Variants in MID1 observed in about 807,000 individuals in gnomAD.
The protein encoded by MID1 is E3 ubiquitin-protein ligase Midline-1.
Under a neutral mutation model 40.4 loss-of-function variants are expected in MID1, and 7 were observed. The ratio of observed to expected loss-of-function variants is 0.17; its 90% CI spans 0.10 to 0.33. The LOEUF (loss-of-function observed/expected upper bound fraction) is 0.33. Ranked by LOEUF, MID1 falls within the 10% of genes least tolerant of loss-of-function variation. MID1 has a pLI of 1.00. For synonymous variants in MID1, 229 were observed against 221.2 expected (o/e 1.04, Z -0.31); for missense variants, 367 against 558.5 (o/e 0.66, Z 3.46).
In MID1 at chrX:10,590,882, T is replaced by C. The variant is rs145921599; in HGVS notation, c.-56-23279A>G. Among the ~76,000 whole-genome samples, 125 of 112,318 alleles carry C rather than the reference T, an allele frequency of 1.1e-3. No individual in the cohort carries two copies. The East Asian group carries it at 0.024, about 21-fold the overall frequency. On this transcript the variant is annotated intron_variant, in intron 1 of 9. Coordinates refer to ENST00000317552, the MANE Select transcript of MID1 (RefSeq NM_000381.4). ...GAGTTGACTTAAGAGTTTTTTGTTGTTATTTTGCTTTGCATCTTATTTGTT... is the reference window on the plus strand; with the variant it reads ...GAGTTGACTTAAGAGTTTTTTGTTGCTATTTTGCTTTGCATCTTATTTGTT...
chrX:10,561,727 T>C (rs1354761295), intron 2 of MID1, among the ~76,000 whole-genome samples: 2 of 107,340 alleles, frequency 1.9e-5, no homozygotes, highest in East Asian at 2.8e-4. Flanking sequence ...AAACAACAGA[T>C]GCTGGCGAGG....
At chrX:10,456,043 G>A (rs1928644844) in intron 8 of MID1, among the ~76,000 whole-genome samples, 1 of 112,376 alleles carries the variant, frequency 8.9e-6, no homozygotes, top group Non-Finnish European at 1.9e-5. Context: ...ATGCCATGGT[G>A]TCCAAACTCC....
intron 1 of MID1, among the ~76,000 whole-genome samples, chrX:10,818,760 T>C (rs1329214237): frequency 8.9e-6 from 1 of 112,186 alleles, no homozygotes; most frequent in Non-Finnish European, 1.9e-5. Context: ...ATTGAGTGCT[T>C]CCTCTGTTCA....
intron 1 of MID1, among the ~76,000 whole-genome samples, chrX:10,687,506 A>G (rs749631996): frequency 3.9e-4 from 44 of 112,211 alleles, no homozygotes; most frequent in African/African-American, 1.4e-3. Context: ...AGCCAAATGT[A>G]GTCCTGTCTG....
intron 1 of MID1, among the ~76,000 whole-genome samples, chrX:10,645,593 G>A (rs888430577): frequency 8.0e-5 from 9 of 112,166 alleles, no homozygotes; most frequent in African/African-American, 2.9e-4. Context: ...TAACAGTAGT[G>A]AGGGGCTGGG....
intron 1 of MID1, among the ~76,000 whole-genome samples, chrX:10,628,013 G>T (rs1936012853): frequency 9.0e-6 from 1 of 111,656 alleles, no homozygotes; most frequent in Non-Finnish European, 1.9e-5. Flanking sequence ...TGGTAGTAAA[G>T]ATAAAAACTA....
At chrX:10,645,135 A>G (rs1936249519) in intron 1 of MID1, among the ~76,000 whole-genome samples, 1 of 111,666 alleles carries the variant, frequency 9.0e-6, no homozygotes, top group African/African-American at 3.3e-5. Flanking sequence ...TTTCTCTGTC[A>G]CCAGCATGCT....
At chrX:10,515,082 C>T (rs1054507472) in intron 3 of MID1, among the ~76,000 whole-genome samples, 106 of 112,309 alleles carry the variant, frequency 9.4e-4, no homozygotes, top group African/African-American at 3.3e-3. Flanking sequence ...TGTTTGCATG[C>T]TGGTCTTCAT....
At chrX:10,570,897 C>A (rs2147475371) in intron 1 of MID1, among the ~76,000 whole-genome samples, 1 of 112,295 alleles carries the variant, frequency 8.9e-6, no homozygotes, top group Admixed American at 9.4e-5. Flanking sequence ...TACAGATAAC[C>A]AGAACATAAA....
At chrX:10,671,651 C>T (rs1198884136) in intron 1 of MID1, among the ~76,000 whole-genome samples, 1 of 111,329 alleles carries the variant, frequency 9.0e-6, no homozygotes, top group Non-Finnish European at 1.9e-5. Context: ...ATCCAAGTCA[C>T]AAACCTCTTC....
chrX:10,742,897 AC>A (rs1311617315), intron 1 of MID1, among the ~76,000 whole-genome samples: 1 of 112,675 alleles, frequency 8.9e-6, no homozygotes, highest in African/African-American at 3.2e-5. Flanking sequence ...GATAGACTCG[AC>A]TTTTCTGGTT....
chrX:10,608,466 C>T (rs750820765), intron 1 of MID1, among the ~76,000 whole-genome samples: 2 of 111,244 alleles, frequency 1.8e-5, no homozygotes, highest in South Asian at 3.8e-4. Flanking sequence ...ATTAAGTGAG[C>T]GGGAAAAAAT....
At chrX:10,774,493 T>C (rs1247950626) in intron 1 of MID1, among the ~76,000 whole-genome samples, 1 of 110,041 alleles carries the variant, frequency 9.1e-6, no homozygotes, top group Non-Finnish European at 1.9e-5. Context: ...GCTTGACAGA[T>C]AACTCATATC....
chrX:10,491,544 C>T (rs1217420044), intron 4 of MID1, among the ~76,000 whole-genome samples: 25 of 110,989 alleles, frequency 2.3e-4, no homozygotes, highest in African/African-American at 7.9e-4. Context: ...CTACCATGCC[C>T]AGCCTCTTTT....
intron 1 of MID1, among the ~76,000 whole-genome samples, chrX:10,588,761 A>T (rs113064521): frequency 3.6e-5 from 4 of 109,791 alleles, no homozygotes; most frequent in Non-Finnish European, 3.8e-5. Flanking sequence ...GGGGAAGGGG[A>T]TCTAAAACCA....
chrX:10,509,456 A>G (rs1044518258), intron 3 of MID1, among the ~76,000 whole-genome samples: 1 of 111,658 alleles, frequency 9.0e-6, no homozygotes, highest in African/African-American at 3.3e-5. Context: ...CTAGAGAATA[A>G]AAGGAAAGGT....
intron 1 of MID1, among the ~76,000 whole-genome samples, chrX:10,765,918 AGAAAGAAAGGAAAGGAAAGGAAAG>A (rs1385177611): frequency 3.7e-4 from 37 of 99,397 alleles, no homozygotes; most frequent in African/African-American, 1.6e-3. Context: ...AAAGAAAGAA[AGAAAGAAAGGAAAGGAAAGGAAAG>A]GAAAGAAAGA....
chrX:10,590,485 G>C (rs1391159096), intron 1 of MID1, among the ~76,000 whole-genome samples: 1 of 111,277 alleles, frequency 9.0e-6, no homozygotes, highest in Admixed American at 9.5e-5. Context: ...GCATTCCAGG[G>C]GAGGGGTTAT....
intron 3 of MID1, among the ~76,000 whole-genome samples, chrX:10,516,604 GTGT>G (rs1932449002): frequency 1.5e-5 from 1 of 67,165 alleles, no homozygotes; most frequent in Non-Finnish European, 2.7e-5. Flanking sequence ...GTGTGTGTGT[GTGT>G]GTGCGCGCGC....
Sources: allele counts gnomAD v4.1 joint callset (sites outside exome capture counted in the v4.1 genomes callset), GRCh38; gene constraint gnomAD v4.1.1; transcripts MANE v1.5; gene names NCBI Gene and HGNC (gene_info 2026-07-23, HGNC 2026-07-21).